The following TAFA2 variants were observed in gnomAD, a reference collection of about 807,000 sequenced individuals.
TAFA2 encodes TAFA chemokine like family member 2, also known as chemokine-like protein TAFA-2.
In TAFA2, 7 loss-of-function variants were observed where a neutral mutation model predicts 18.8. The ratio of observed to expected loss-of-function variants is 0.37; its 90% confidence interval spans 0.21 to 0.70. The LOEUF (loss-of-function observed/expected upper bound fraction) is 0.70. Ranked by LOEUF, TAFA2 falls within the 30% of genes least tolerant of loss-of-function variation. The pLI is 0.53. For synonymous variants in TAFA2, 60 were observed against 54.2 expected (o/e 1.11, Z -0.47); for missense variants, 122 against 158.1 (o/e 0.77, Z 1.23).
At chr12:61,818,327 A>G (rs1346499948) in intron 2 of TAFA2, among the ~76,000 whole-genome samples, 2 of 152,102 alleles carry the variant, frequency 1.3e-5, no homozygotes, top group African/African-American at 4.8e-5. Flanking sequence ...ATGTGCCACA[A>G]TAATTATTTG....
At chr12:62,057,869 G>T (rs921251462) in intron 1 of TAFA2, among the ~76,000 whole-genome samples, 6 of 152,030 alleles carry the variant, frequency 3.9e-5, no homozygotes, top group African/African-American at 1.2e-4. Flanking sequence ...GTAACCACAG[G>T]TTTCTGATTT....
At chr12:62,032,224 G>A (rs1881478264) in intron 1 of TAFA2, among the ~76,000 whole-genome samples, 6 of 152,152 alleles carry the variant, frequency 3.9e-5, no homozygotes, top group Admixed American at 2.6e-4. Flanking sequence ...GGAGCAGGAG[G>A]ATATAGCTAT....
chr12:62,031,723 G>T (rs934408227), intron 1 of TAFA2, among the ~76,000 whole-genome samples: 2 of 152,050 alleles, frequency 1.3e-5, no homozygotes, highest in African/African-American at 4.8e-5. Context: ...ACTACACTAC[G>T]AATTTCTCCC....
rs1049455835 is a variant in TAFA2 at position 61,755,461 on chromosome 12, G to C, written c.107-437C>G. On this transcript the variant is annotated intron_variant, in intron 2 of 4. Transcript: ENST00000416284. ...CTGATAAAGCTTGTGTTCTTCTAGG[G>C]GAGAGTAAGAGGACTAGGCAGGAAG... is the stretch of plus-strand genomic sequence containing the variant. Among the ~76,000 whole-genome samples, 4 of 152,194 alleles carry C rather than the reference G, an allele frequency of 2.6e-5. No homozygotes were observed. In the Middle Eastern group the frequency reaches 0.01, roughly 388 times the overall value.
intron 1 of TAFA2, among the ~76,000 whole-genome samples, chr12:62,250,998 A>G (rs1307352470): frequency 7.6e-6 from 1 of 132,286 alleles, no homozygotes. Flanking sequence ...ATGAGTAGGA[A>G]ATATGCGTAT....
At chr12:62,190,934 C>T (rs1468767681) in intron 1 of TAFA2, among the ~76,000 whole-genome samples, 1 of 152,146 alleles carries the variant, frequency 6.6e-6, no homozygotes, top group East Asian at 1.9e-4. Flanking sequence ...CACTTCAATC[C>T]TCGACCTGGT....
At chr12:61,786,936 G>GA (rs1468200555) in intron 2 of TAFA2, among the ~76,000 whole-genome samples, 3 of 151,126 alleles carry the variant, frequency 2.0e-5, no homozygotes, top group Non-Finnish European at 3.0e-5. Flanking sequence ...AAAGAACTCA[G>GA]AAAAAAGAAG....
intron 2 of TAFA2, among the ~76,000 whole-genome samples, chr12:61,859,163 C>G (rs964930685): frequency 1.3e-5 from 2 of 152,150 alleles, no homozygotes; most frequent in African/African-American, 2.4e-5. Flanking sequence ...AAAATCATGG[C>G]CCAAGGCAAA....
At chr12:62,178,116 A>G (rs2062526174) in intron 1 of TAFA2, among the ~76,000 whole-genome samples, 1 of 152,110 alleles carries the variant, frequency 6.6e-6, no homozygotes, top group African/African-American at 2.4e-5. Context: ...CCTGGGCAAC[A>G]TAACAAGACC....
At chr12:61,878,164 G>T in intron 1 of TAFA2, 2 of 445,566 alleles carry the variant, frequency 4.5e-6, no homozygotes, top group East Asian at 7.0e-5. Context: ...GAAATAGAGA[G>T]TTACTATTTA....
At chr12:61,719,008 T>A (rs1869779713) in intron 4 of TAFA2, among the ~76,000 whole-genome samples, 1 of 152,282 alleles carries the variant, frequency 6.6e-6, no homozygotes, top group South Asian at 2.1e-4. Context: ...CAAACACAAA[T>A]GGCTCTTAGG....
intron 2 of TAFA2, among the ~76,000 whole-genome samples, chr12:61,795,124 T>C (rs1183226865): frequency 1.3e-5 from 2 of 152,146 alleles, no homozygotes; most frequent in Non-Finnish European, 2.9e-5. Flanking sequence ...ACTTTTACAC[T>C]GTTGGTGGGA....
At position 62,180,768 on chromosome 12, in the gene TAFA2, T is replaced by A. The variant is rs373688279; in HGVS notation, c.-2+10491A>T. 4.6e-5 allele frequency among the ~76,000 whole-genome samples: 7 copies of A among 151,922 alleles called. No individual in the cohort carries two copies. In the East Asian group the frequency reaches 1.2e-3, roughly 25 times the overall value. On this transcript the variant is annotated intron_variant, in intron 1 of 4. Coordinates refer to ENST00000416284, the MANE Select transcript of TAFA2 (RefSeq NM_178539.5). Reference sequence around the variant, plus strand: ...TTAGTATCATTGAAGCCAAGAACAATGGTATCATGGTCAATAATGTTTCTG... The same window carrying A: ...TTAGTATCATTGAAGCCAAGAACAAAGGTATCATGGTCAATAATGTTTCTG...
At chr12:61,936,097 C>T (rs1181721872) in intron 1 of TAFA2, among the ~76,000 whole-genome samples, 1 of 151,990 alleles carries the variant, frequency 6.6e-6, no homozygotes, top group Non-Finnish European at 1.5e-5. Context: ...ACTAGCTAGC[C>T]TAAACCAATA....
chr12:61,710,275 C>A lies in TAFA2; in HGVS notation c.*131G>T. ...ATTTCAAGAAGAGGCCATGAAATCC[C>A]TTGGAAATAGACTATTGAGCGCCTC... On this transcript the variant is annotated 3_prime_UTR_variant, in exon 5 of 5. Transcript: ENST00000416284. 2 of 795,396 alleles carry A rather than the reference C, an allele frequency of 2.5e-6. No homozygotes were observed. Among genetic ancestry groups the A allele is most frequent in the Non-Finnish European group, 4.2e-6 (2 of 471,034 alleles). 49.3% of individuals were successfully genotyped at this position (795,396 alleles called of 1,614,324 possible).
intron 1 of TAFA2, chr12:62,234,590 A>G: frequency 1.2e-6 from 1 of 824,448 alleles, no homozygotes; most frequent in Admixed American, 1.7e-5. Context: ...GACCATAAAC[A>G]CCTTTCCCGT....
At chr12:61,955,421 GT>G (rs1489610212) in intron 1 of TAFA2, among the ~76,000 whole-genome samples, 3 of 150,590 alleles carry the variant, frequency 2.0e-5, no homozygotes, top group African/African-American at 7.3e-5. Flanking sequence ...AGCCAACATG[GT>G]GAAACCCCGT....
chr12:61,776,645 G>A (rs1429132927), intron 2 of TAFA2, among the ~76,000 whole-genome samples: 1 of 151,772 alleles, frequency 6.6e-6, no homozygotes, highest in Admixed American at 6.6e-5. Flanking sequence ...ATCAGCAAAA[G>A]TGGCCTCATT....
intron 1 of TAFA2, among the ~76,000 whole-genome samples, chr12:61,897,236 C>G (rs1351888950): frequency 6.6e-6 from 1 of 152,116 alleles, no homozygotes; most frequent in Non-Finnish European, 1.5e-5. Flanking sequence ...GCTGACTGTA[C>G]ATCCTTAATG....
Sources: gnomAD v4.1 joint callset for allele counts (sites outside exome capture counted in the v4.1 genomes callset) on GRCh38, gnomAD v4.1.1 for gene constraint, MANE v1.5 for transcripts, NCBI Gene and HGNC (gene_info 2026-07-23, HGNC 2026-07-21) for gene names.